The following STAMBP variants were observed in gnomAD, a reference collection of about 807,000 sequenced individuals.
The protein encoded by STAMBP is STAM-binding protein.
STAMBP carries 31 observed loss-of-function variants against 50.7 expected under a neutral mutation model. That is an observed-to-expected ratio of 0.61 (90% CI 0.46 to 0.83). STAMBP has a LOEUF of 0.83. Among genes scored for constraint, STAMBP ranks in the 40% least tolerant of loss-of-function variants. The pLI, the probability that STAMBP is intolerant of heterozygous loss-of-function variation, is 0.00. For missense variants in STAMBP, 472 were observed against 518.9 expected, an observed-to-expected ratio of 0.91 and a Z score of 0.88; for synonymous variants, 211 against 192.4, an observed-to-expected ratio of 1.10 and a Z score of -0.80.
intron 2 of STAMBP, among the ~76,000 whole-genome samples, chr2:73,835,604 T>C (rs1327178132): frequency 1.3e-5 from 2 of 152,046 alleles, no homozygotes; most frequent in Non-Finnish European, 2.9e-5. Context: ...TGTGGCAACA[T>C]GGAAAGAGAC....
intron 9 of STAMBP, 52 bp downstream of exon 9, chr2:73,860,203 G>C (rs1678174157): frequency 6.8e-7 from 1 of 1,469,412 alleles, no homozygotes; most frequent in African/African-American, 1.4e-5. Context: ...AGGGAGGACA[G>C]TCAGAGCTGA....
Position 73,859,238 on chromosome 2 carries a change from CTT to C in STAMBP, c.1006-12_1006-11del, listed in dbSNP as rs1339946102. 1 of 1,607,786 alleles carries C rather than the reference CTT, an allele frequency of 6.2e-7. No homozygotes were observed. The highest frequency in any genetic ancestry group is 1.1e-5 in the South Asian group (1 of 90,944). Reference sequence around the variant, plus strand: ...TATCCTCGCTAAGAGTCCTCTGACTCTTTTTCTCTCCTCAGACTCACCCCACA... The same window carrying C: ...TATCCTCGCTAAGAGTCCTCTGACTCTTTCTCTCCTCAGACTCACCCCACA... On this transcript the variant is annotated splice_polypyrimidine_tract_variant and intron_variant, in intron 7 of 9. Coordinates refer to ENST00000394070, the MANE Select transcript of STAMBP (RefSeq NM_213622.4).
chr2:73,871,725 A>T (rs1409172569), downstream of STAMBP, among the ~76,000 whole-genome samples: 3 of 152,254 alleles, frequency 2.0e-5, no homozygotes, highest in East Asian at 5.8e-4. Context: ...GGTAGCTTTG[A>T]CAGCTAGAAG....
rs1193334001 is a variant in STAMBP at position 73,860,053 on chromosome 2, A to G, written c.1120A>G (p.Thr374Ala). Residue 374 changes from threonine to alanine, a missense_variant and splice_region_variant, in exon 9 of 10, where the codon ACT (threonine) becomes GCT (alanine). Coordinates refer to ENST00000394070, the MANE Select transcript of STAMBP (RefSeq NM_213622.4). ...TAGCCTGCCTTTTTTAAATTTCAGA[A>G]CTGGATTCTTTAAACTAACTGACCA... ...AIVCSPKFQE[T>A]GFFKLTDHGL... 1.1e-5 allele frequency: 18 copies of G among 1,608,654 alleles called. No individual in the cohort carries two copies. Among genetic ancestry groups the G allele is most frequent in the Non-Finnish European group, 1.5e-5 (18 of 1,179,604 alleles).
chr2:73,844,073 T>C (rs1335311901), intron 2 of STAMBP, among the ~76,000 whole-genome samples: 1 of 152,226 alleles, frequency 6.6e-6, no homozygotes, highest in African/African-American at 2.4e-5. Context: ...TACTGGACTT[T>C]TATTTATTTT....
rs1573219925 is a variant in STAMBP, at chr2:73,829,473, T to G, written c.-50T>G. On this transcript the variant is annotated 5_prime_UTR_variant, in exon 1 of 10. Coordinates refer to ENST00000394070, the MANE Select transcript of STAMBP (RefSeq NM_213622.4). ...GGCGCCGCTTCCTGGCCTTGGGAGG[T>G]GGTTCCTTTCTTAACCCACAAGAAC... The G allele has an allele frequency of 6.6e-6, 1 of 152,008 alleles. No individual in the cohort carries two copies. Among genetic ancestry groups the G allele is most frequent in the Non-Finnish European group, 1.5e-5 (1 of 68,042 alleles). The allele number at this position is 152,008 out of a possible 1,614,324, so 9.4% of individuals were successfully genotyped here.
intron 2 of STAMBP, among the ~76,000 whole-genome samples, chr2:73,834,140 A>C (rs1674288963): frequency 7.0e-6 from 1 of 142,872 alleles, no homozygotes; most frequent in Non-Finnish European, 1.5e-5. Context: ...GAACTCAGGA[A>C]GTGGAGGTTG....
In STAMBP at chr2:73,829,462, G is replaced by C. The variant is rs1177023233; in HGVS notation, c.-61G>C. The C allele has an allele frequency of 1.3e-5, 2 of 152,170 alleles. No homozygotes were observed. The highest frequency in any genetic ancestry group is 3.8e-4 in the East Asian group (2 of 5,196). 9.4% of individuals were successfully genotyped at this position (152,170 alleles called of 1,614,324 possible). A position where few individuals can be genotyped will look rare whatever the true frequency, so the allele number is the denominator to read the frequency against. ...AGGTGGTAACCGGCGCCGCTTCCTG[G>C]CCTTGGGAGGTGGTTCCTTTCTTAA... On this transcript the variant is annotated 5_prime_UTR_variant, in exon 1 of 10. Transcript: ENST00000394070.
intron 2 of STAMBP, among the ~76,000 whole-genome samples, chr2:73,841,358 C>T (rs1382610956): frequency 2.0e-5 from 3 of 152,286 alleles, no homozygotes; most frequent in African/African-American, 7.2e-5. Context: ...TTCTTGCTCA[C>T]ATTTTTTGTT....
rs973864567 is a variant in STAMBP, at chr2:73,864,506, C to G, written c.*2247C>G. On this transcript the variant is annotated 3_prime_UTR_variant, in exon 10 of 10. Coordinates refer to ENST00000394070, the MANE Select transcript of STAMBP (RefSeq NM_213622.4). ...GGAGGAGACGTGGAATCAAGCCAGCCCACAAGCCCTGAGACTGGATAGGCC... is the reference window on the plus strand; with the variant it reads ...GGAGGAGACGTGGAATCAAGCCAGCGCACAAGCCCTGAGACTGGATAGGCC... 6.6e-6 allele frequency: 1 copy of G among 152,390 alleles called. No homozygotes were observed. Among genetic ancestry groups the G allele is most frequent in the African/African-American group, 2.4e-5 (1 of 41,410 alleles). 9.4% of individuals were successfully genotyped at this position (152,390 alleles called of 1,614,324 possible).
At chr2:73,849,611 C>A (rs1676556609) in intron 6 of STAMBP, 124 bp downstream of exon 6, 22 of 1,267,940 alleles carry the variant, frequency 1.7e-5, no homozygotes, top group Middle Eastern at 1.9e-4. Flanking sequence ...GAACCGTGGA[C>A]TGCATAATTT....
At chr2:73,846,391 A>G (rs1028522463) in intron 4 of STAMBP, among the ~76,000 whole-genome samples, 1 of 151,688 alleles carries the variant, frequency 6.6e-6, no homozygotes, top group Non-Finnish European at 1.5e-5. Flanking sequence ...GCTTGAGCCC[A>G]GGAGTTCGAG....
chr2:73,846,129 T>G (rs1448562000), intron 4 of STAMBP, among the ~76,000 whole-genome samples: 1 of 152,178 alleles, frequency 6.6e-6, no homozygotes, highest in Non-Finnish European at 1.5e-5. Flanking sequence ...AGGTATATAC[T>G]TCTAAAGCAC....
intron 2 of STAMBP, among the ~76,000 whole-genome samples, chr2:73,832,108 T>TATATATATATATATATGTAC: frequency 1.6e-5 from 2 of 122,896 alleles, no homozygotes; most frequent in Admixed American, 1.7e-4. Flanking sequence ...TATATATATA[T>TATATATATATATATATGTAC]ACACATATAT....
In STAMBP at chr2:73,847,642, T is replaced by C. The variant is rs2104505196; in HGVS notation, c.631T>C (p.Leu211=). 6.2e-7 allele frequency: 1 copy of C among 1,614,204 alleles called. No individual in the cohort carries two copies. The highest frequency in any genetic ancestry group is 2.2e-5 in the East Asian group (1 of 44,888). ...GCCCTCCTTAGATGTGTTCCCCACC[T>C]TAACAGTCTCATCCATACAGCCTTC... ...EKPSLDVFPT[L]TVSSIQPSDC... The change falls in exon 5 of 10, where the codon TTA becomes CTA. Residue 211 remains leucine, a synonymous_variant. Transcript: ENST00000394070.
rs755497755 is a variant in STAMBP, at chr2:73,847,773, T to C, written c.742+20T>C. On this transcript the variant is annotated intron_variant, in intron 5 of 9. Transcript: ENST00000394070. Reference sequence around the variant, plus strand: ...AAAGTAGTAAGTGCATTTGCTGATGTCCTCTTCCTTCTCAGTTGCAGCCAA... The same window carrying C: ...AAAGTAGTAAGTGCATTTGCTGATGCCCTCTTCCTTCTCAGTTGCAGCCAA... 3.7e-6 allele frequency: 6 copies of C among 1,600,738 alleles called. No homozygotes were observed. Among genetic ancestry groups the C allele is most frequent in the Non-Finnish European group, 5.1e-6 (6 of 1,174,420 alleles).
At position 73,867,162 on chromosome 2, in the gene STAMBP, C is replaced by A. The variant is rs557971890; in HGVS notation, c.*4903C>A. On this transcript the variant is annotated 3_prime_UTR_variant, in exon 10 of 10. Transcript: ENST00000394070. The stretch of plus-strand genomic sequence containing the variant: ...ATGCACAGACTTGTCCAAAATCATC[C>A]AATTAATAAATGGTAAGGCTTTGCT... The A allele has an allele frequency of 1.8e-4, 28 of 152,292 alleles. No individual in the cohort carries two copies. Among genetic ancestry groups the A allele is most frequent in the African/African-American group, 6.3e-4 (26 of 41,554 alleles). 9.4% of individuals were successfully genotyped at this position (152,292 alleles called of 1,614,324 possible). A position where few individuals can be genotyped will look rare whatever the true frequency, so the allele number is the denominator to read the frequency against.
Position 73,850,869 on chromosome 2 carries a change from A to G in STAMBP, c.1005+356A>G, listed in dbSNP as rs1280566311. Among the ~76,000 whole-genome samples the G allele has an allele frequency of 1.3e-5, 2 of 152,218 alleles. No individual in the cohort carries two copies. The highest frequency in any genetic ancestry group is 2.9e-5 in the Non-Finnish European group (2 of 68,038). ...TGTACAGATGATGTTCCTTAAAGGT[A>G]TATAATTCAAAATATTTTAAATGAG... On this transcript the variant is annotated intron_variant, in intron 7 of 9. Transcript: ENST00000394070. This position sits in a 1 kb window ranked among gnomAD's most constrained non-coding sequence, Gnocchi z 4.3.
chr2:73,853,731 A>G (rs1677174521), intron 7 of STAMBP, among the ~76,000 whole-genome samples: 1 of 152,246 alleles, frequency 6.6e-6, no homozygotes, highest in African/African-American at 2.4e-5. Flanking sequence ...TGGGAAAAAA[A>G]GAAACTAAAT....
Sources: allele counts gnomAD v4.1 joint callset (sites outside exome capture counted in the v4.1 genomes callset), GRCh38; gene constraint gnomAD v4.1.1; non-coding constraint Gnocchi (gnomAD v3.1); transcripts MANE v1.5; gene names NCBI Gene and HGNC (gene_info 2026-07-23, HGNC 2026-07-21).